The following ST3GAL3 variants were observed in gnomAD, a reference collection of about 807,000 sequenced individuals.
ST3GAL3 encodes ST3 beta-galactoside alpha-2,3-sialyltransferase 3, also known as CMP-N-acetylneuraminate-beta-1,4-galactoside alpha-2,3-sialyltransferase.
ST3GAL3 carries 21 observed loss-of-function variants against 50.1 expected under a neutral mutation model. That is an observed-to-expected ratio of 0.42 (90% confidence interval 0.30 to 0.60). ST3GAL3 has a LOEUF of 0.60. Among genes scored for constraint, ST3GAL3 ranks in the 20% least tolerant of loss-of-function variants. The probability of loss-of-function intolerance (pLI) is 0.19; values close to 1 mark genes in which losing one functional copy is unlikely to be tolerated. For synonymous variants in ST3GAL3, 183 were observed against 190.0 expected, an observed-to-expected ratio of 0.96 and a Z score of 0.30; for missense variants, 353 against 489.4, an observed-to-expected ratio of 0.72 and a Z score of 2.63.
chr1:43,894,258 G>T (rs1324091509), intron 5 of ST3GAL3, 125 bp from the exon 6 acceptor site: 1 of 906,782 alleles, frequency 1.1e-6, no homozygotes, highest in Non-Finnish European at 1.8e-6. Context: ...CTGGGTGGAG[G>T]GGGGTATGCC....
intron 5 of ST3GAL3, among the ~76,000 whole-genome samples, chr1:43,869,298 T>A (rs1350918762): frequency 6.6e-6 from 1 of 152,186 alleles, no homozygotes; most frequent in East Asian, 1.9e-4. Context: ...CAGAGCCACG[T>A]AGGACGAGTC....
rs556526111 is a variant in ST3GAL3 at position 43,713,522 on chromosome 1, ATTTT to A, written c.-31+5847_-31+5850del. ...TACCTAAAGATGCCAACGTTGTGGGATTTTTTTTTTTTTTTTTTTTTGAGAAAAG... is the reference window on the plus strand; with the variant it reads ...TACCTAAAGATGCCAACGTTGTGGGATTTTTTTTTTTTTTTTTGAGAAAAG... On this transcript the variant is annotated intron_variant, in intron 1 of 11. Transcript: ENST00000347631. Among the ~76,000 whole-genome samples, 538 of 122,122 alleles carry A rather than the reference ATTTT, an allele frequency of 4.4e-3. 3 individuals are homozygous for A. The highest frequency in any genetic ancestry group is 0.016 in the African/African-American group (508 of 32,536). The allele number at this position is 122,122 out of a possible 152,430, so 80.1% of individuals were successfully genotyped here.
intron 5 of ST3GAL3, among the ~76,000 whole-genome samples, chr1:43,873,547 G>T (rs1043092158): frequency 6.6e-6 from 1 of 152,086 alleles, no homozygotes; most frequent in African/African-American, 2.4e-5. Context: ...CACTTTGGGA[G>T]GCTAAGGTGG....
At chr1:43,799,003 GTTTTAC>G (rs1011493051) in intron 3 of ST3GAL3, among the ~76,000 whole-genome samples, 7 of 152,212 alleles carry the variant, frequency 4.6e-5, no homozygotes, top group Admixed American at 3.3e-4. Context: ...TGATGATGCA[GTTTTAC>G]TTTTATTGAC....
At chr1:43,783,696 C>T (rs1470637466) in intron 2 of ST3GAL3, among the ~76,000 whole-genome samples, 1 of 152,082 alleles carries the variant, frequency 6.6e-6, no homozygotes, top group African/African-American at 2.4e-5. Flanking sequence ...CTGCTTGAGT[C>T]GTACACACAG....
chr1:43,734,835 G>A (rs549102935), intron 1 of ST3GAL3, among the ~76,000 whole-genome samples: 1 of 151,968 alleles, frequency 6.6e-6, no homozygotes, highest in South Asian at 2.1e-4. Flanking sequence ...TTATGTCATT[G>A]TAATTTTGTG....
intron 2 of ST3GAL3, among the ~76,000 whole-genome samples, chr1:43,741,109 T>G (rs1228711551): frequency 6.6e-6 from 1 of 152,158 alleles, no homozygotes; most frequent in African/African-American, 2.4e-5. Flanking sequence ...GAAGGATTGC[T>G]TGAGCCCAGG....
At chr1:43,804,421 A>G (rs2059651019) in intron 3 of ST3GAL3, among the ~76,000 whole-genome samples, 1 of 152,178 alleles carries the variant, frequency 6.6e-6, no homozygotes, top group African/African-American at 2.4e-5. Context: ...GGGGCCACAC[A>G]CAGACTGAAT....
chr1:43,800,709 G>A (rs1477125647), intron 3 of ST3GAL3, among the ~76,000 whole-genome samples: 1 of 152,060 alleles, frequency 6.6e-6, no homozygotes, highest in Non-Finnish European at 1.5e-5. Context: ...TGCCTCATGG[G>A]GCTGTATAGG....
At chr1:43,784,736 A>G (rs2057070312) in intron 2 of ST3GAL3, among the ~76,000 whole-genome samples, 1 of 152,248 alleles carries the variant, frequency 6.6e-6, no homozygotes, top group African/African-American at 2.4e-5. Flanking sequence ...TGACATAAGT[A>G]TACTGCATCA....
chr1:43,857,582 CCCTCCCTTCCTTCCTTCCTTCCTTCCTT>C (rs2068786413), intron 5 of ST3GAL3, among the ~76,000 whole-genome samples: 1 of 93,748 alleles, frequency 1.1e-5, no homozygotes, highest in Non-Finnish European at 2.1e-5. Context: ...TTTCCTTCCT[CCCTCCCTTCCTTCCTTCCTTCCTTCCTT>C]CCTTCCTTCC....
intron 2 of ST3GAL3, among the ~76,000 whole-genome samples, chr1:43,782,546 C>G (rs1699703612): frequency 8.3e-6 from 1 of 120,048 alleles, no homozygotes; most frequent in Non-Finnish European, 1.8e-5. Context: ...GTCTGCTTTT[C>G]TGCCTTATTT....
intron 2 of ST3GAL3, among the ~76,000 whole-genome samples, chr1:43,777,801 A>G (rs938074055): frequency 2.6e-5 from 4 of 152,198 alleles, no homozygotes; most frequent in East Asian, 1.9e-4. Context: ...AAAATAAACT[A>G]TCATCAGAGT....
intron 5 of ST3GAL3, chr1:43,894,117 C>A: frequency 2.0e-6 from 1 of 489,084 alleles, no homozygotes; most frequent in Non-Finnish European, 3.8e-6. Flanking sequence ...AGAAATTGAT[C>A]CTTGCTGAAC....
chr1:43,779,231 T>C (rs549982881), intron 2 of ST3GAL3, among the ~76,000 whole-genome samples: 18 of 152,170 alleles, frequency 1.2e-4, no homozygotes, highest in Non-Finnish European at 2.4e-4. Context: ...TGTGAGCCAC[T>C]GCGCCCAGCT....
intron 2 of ST3GAL3, among the ~76,000 whole-genome samples, chr1:43,756,711 A>AT (rs924061716): frequency 1.3e-5 from 2 of 152,206 alleles, no homozygotes; most frequent in Non-Finnish European, 2.9e-5. Context: ...TTGTTTCTGT[A>AT]TACCTATACA....
At chr1:43,735,520 C>T (rs1015924252) in intron 1 of ST3GAL3, among the ~76,000 whole-genome samples, 4 of 152,268 alleles carry the variant, frequency 2.6e-5, no homozygotes, top group East Asian at 1.9e-4. Flanking sequence ...AGCCGGGAAA[C>T]GGGGGCCTTG....
At chr1:43,762,094 C>T (rs959965465) in intron 2 of ST3GAL3, among the ~76,000 whole-genome samples, 10 of 150,706 alleles carry the variant, frequency 6.6e-5, no homozygotes, top group Admixed American at 6.0e-4. Context: ...AGTGAGACCT[C>T]GTCTCTACCG....
chr1:43,737,803 C>G lies in ST3GAL3; in HGVS notation c.118+1423C>G, dbSNP rs565316753. 8 of 152,302 alleles carry G rather than the reference C, an allele frequency of 5.3e-5. No homozygotes were observed. Among genetic ancestry groups the G allele is most frequent in the African/African-American group, 1.9e-4 (8 of 41,558 alleles). 9.4% of individuals were successfully genotyped at this position (152,302 alleles called of 1,614,324 possible). ...ACCTGTAGAAGATATAACCAAGGAT[C>G]AGATAAGATTTTCCTAGATCAGTAG... On this transcript the variant is annotated intron_variant, in intron 2 of 11. Transcript: ENST00000347631. The surrounding 1 kb of genome is among the most constrained non-coding windows in gnomAD (Gnocchi z 4.0).
Sources: gnomAD v4.1 joint callset for allele counts (sites outside exome capture counted in the v4.1 genomes callset) on GRCh38, gnomAD v4.1.1 for gene constraint, Gnocchi (gnomAD v3.1) non-coding constraint, MANE v1.5 for transcripts, NCBI Gene and HGNC (gene_info 2026-07-23, HGNC 2026-07-21) for gene names.